The following ABI3BP variants were observed in gnomAD, a reference collection of about 807,000 sequenced individuals.
The protein encoded by ABI3BP is target of Nesh-SH3.
In ABI3BP, 216 loss-of-function variants were observed where a neutral mutation model predicts 268.6. The ratio of observed to expected loss-of-function variants is 0.80; its 90% confidence interval spans 0.72 to 0.90. The LOEUF (loss-of-function observed/expected upper bound fraction) is 0.90, where lower values mean the gene tolerates loss of function less well. ABI3BP is among the 40% of genes least tolerant of loss of function. The pLI is 0.00. For missense variants in ABI3BP, 2,090 were observed against 2,182.4 expected (o/e 0.96, Z 0.84); for synonymous variants, 730 against 730.0 (o/e 1.00, Z 0.00).
intron 2 of ABI3BP, among the ~76,000 whole-genome samples, chr3:100,908,343 G>A (rs188797859): frequency 2.6e-5 from 4 of 152,232 alleles, no homozygotes; most frequent in Non-Finnish European, 4.4e-5. Flanking sequence ...CGGGACTGTT[G>A]ATAACTGAGT....
chr3:100,841,441 C>A (rs77428067), intron 21 of ABI3BP, among the ~76,000 whole-genome samples: 15,279 of 151,850 alleles, frequency 0.1, 930 homozygotes, highest in Admixed American at 0.17. Flanking sequence ...AAGCTCAGGG[C>A]ATATTCCTCA....
rs181980429 is a variant in ABI3BP, at chr3:100,987,059, C to T, written c.79+6247G>A. Among the ~76,000 whole-genome samples the T allele has an allele frequency of 2.8e-3, 418 of 151,982 alleles. 3 individuals are homozygous for T. Among genetic ancestry groups the T allele is most frequent in the African/African-American group, 9.5e-3 (394 of 41,444 alleles). On this transcript the variant is annotated intron_variant, in intron 1 of 67. Coordinates refer to ENST00000471714, the MANE Select transcript of ABI3BP (RefSeq NM_001375547.2). The stretch of plus-strand genomic sequence containing the variant: ...ATCTAGATAATCACATTAGAGTATC[C>T]TATTTCTTAATTTTATGTTTATTCT...
intron 14 of ABI3BP, among the ~76,000 whole-genome samples, chr3:100,861,912 G>A (rs2153162008): frequency 6.6e-6 from 1 of 152,258 alleles, no homozygotes; most frequent in African/African-American, 2.4e-5. Context: ...GCTCTTAAAT[G>A]TTTATTTAAT....
chr3:100,921,133 G>T (rs2060090758), intron 2 of ABI3BP, among the ~76,000 whole-genome samples: 1 of 152,226 alleles, frequency 6.6e-6, no homozygotes, highest in Non-Finnish European at 1.5e-5. Context: ...GAGTGTGAGG[G>T]TTAGCAGCTG....
chr3:100,882,350 A>G (rs1029547836), intron 6 of ABI3BP, among the ~76,000 whole-genome samples: 4 of 151,912 alleles, frequency 2.6e-5, no homozygotes, highest in African/African-American at 9.7e-5. Context: ...GTATGTGGTC[A>G]CATAACATGG....
intron 36 of ABI3BP, 121 bp downstream of exon 36, chr3:100,824,737 G>T: frequency 2.8e-6 from 2 of 722,618 alleles, no homozygotes; most frequent in South Asian, 2.2e-5. Context: ...TACTGATGAT[G>T]CCTTATGCCC....
Position 100,754,652 on chromosome 3 carries a change from T to G in ABI3BP, c.4890A>C (p.Glu1630Asp). Residue 1630 changes from glutamate (E) to aspartate (D), a missense_variant, in exon 64 of 68, where the codon GAA becomes GAC. Glu to Asp is a conservative substitution (Grantham distance 45, BLOSUM62 2). Coordinates refer to ENST00000471714, the MANE Select transcript of ABI3BP (RefSeq NM_001375547.2). ...ATGCCACTGTGTTGCTGACCGGGCC[T>G]TCACCAAGCGGGTTTTTGGGTTTCA... ...FQVKPKNPLG[E>D]GPVSNTVAFS... is the part of the protein sequence containing the mutation. The G allele has an allele frequency of 1.3e-6, 2 of 1,593,518 alleles. No individual in the cohort carries two copies. Among genetic ancestry groups the G allele is most frequent in the Non-Finnish European group, 1.7e-6 (2 of 1,168,954 alleles).
At chr3:100,857,097 T>C (rs1295640217) in intron 14 of ABI3BP, among the ~76,000 whole-genome samples, 2 of 152,210 alleles carry the variant, frequency 1.3e-5, no homozygotes, top group African/African-American at 4.8e-5. Context: ...TCTCAAACTT[T>C]TTTTTACAAG....
intron 63 of ABI3BP, among the ~76,000 whole-genome samples, chr3:100,755,465 C>T (rs558920985): frequency 2.6e-4 from 39 of 152,228 alleles, no homozygotes; most frequent in Admixed American, 4.6e-4. Flanking sequence ...GGTAATGTTG[C>T]CTTACAAAGA....
Position 100,750,630 on chromosome 3 carries a change from C to T in ABI3BP, c.5246-20G>A. On this transcript the variant is annotated intron_variant, in intron 67 of 67. Coordinates refer to ENST00000471714, the MANE Select transcript of ABI3BP (RefSeq NM_001375547.2). ...AATAACCTGAGAGAGAAAATAGTTTCATTTTAATAGCTGCTGTATTATATT... is the reference window on the plus strand; with the variant it reads ...AATAACCTGAGAGAGAAAATAGTTTTATTTTAATAGCTGCTGTATTATATT... 3.8e-6 allele frequency: 6 copies of T among 1,560,526 alleles called. No individual in the cohort carries two copies. Among genetic ancestry groups the T allele is most frequent in the Non-Finnish European group, 5.3e-6 (6 of 1,134,116 alleles).
At chr3:100,920,462 C>T (rs553871337) in intron 2 of ABI3BP, among the ~76,000 whole-genome samples, 5 of 152,122 alleles carry the variant, frequency 3.3e-5, no homozygotes, top group South Asian at 4.2e-4. Flanking sequence ...CTTGCTCTGA[C>T]GCCCAGGCTG....
At chr3:100,930,718 G>A (rs2063330599) in intron 1 of ABI3BP, 1 of 151,780 alleles carries the variant, frequency 6.6e-6, no homozygotes, top group Non-Finnish European at 1.5e-5. Flanking sequence ...CTACCAACCT[G>A]AAAAGGCCCT....
At chr3:100,926,129 G>A (rs2061736872) in intron 2 of ABI3BP, among the ~76,000 whole-genome samples, 173 bp downstream of exon 2, 1 of 152,048 alleles carries the variant, frequency 6.6e-6, no homozygotes, top group Non-Finnish European at 1.5e-5. Flanking sequence ...TTTTTTTAAT[G>A]TAAAGAATTA....
At chr3:100,774,366 G>T (rs2096640708) in intron 61 of ABI3BP, among the ~76,000 whole-genome samples, 1 of 152,098 alleles carries the variant, frequency 6.6e-6, no homozygotes, top group African/African-American at 2.4e-5. Context: ...CATGTGGGGT[G>T]GACCTGAGTC....
chr3:100,819,520 C>T (rs1183667051), intron 40 of ABI3BP, among the ~76,000 whole-genome samples: 2 of 152,134 alleles, frequency 1.3e-5, no homozygotes, highest in African/African-American at 4.8e-5. Context: ...CAAGCTTCCT[C>T]CTCCTGTGAT....
intron 1 of ABI3BP, among the ~76,000 whole-genome samples, chr3:100,990,523 C>T (rs2092743004): frequency 6.7e-6 from 1 of 150,208 alleles, no homozygotes; most frequent in African/African-American, 2.4e-5. Flanking sequence ...CAAATAGGCA[C>T]ACCACATATA....
chr3:100,753,940 TAAG>T (rs770024145), intron 64 of ABI3BP, 92 bp from the exon 65 acceptor site: 24 of 1,298,434 alleles, frequency 1.8e-5, no homozygotes, highest in Non-Finnish European at 2.5e-5. Flanking sequence ...TTACACTTGT[TAAG>T]AAGTCTTATT....
chr3:100,925,001 C>T (rs558257859), intron 2 of ABI3BP, among the ~76,000 whole-genome samples: 45 of 152,206 alleles, frequency 3.0e-4, no homozygotes, highest in African/African-American at 1.0e-3. Context: ...AGAGTGGAGA[C>T]TTCTTTATGG....
chr3:100,923,978 A>G (rs2061057830), intron 2 of ABI3BP, among the ~76,000 whole-genome samples: 1 of 152,186 alleles, frequency 6.6e-6, no homozygotes, highest in South Asian at 2.1e-4. Flanking sequence ...GTGAGTCATT[A>G]GGAAATACAT....
Sources: gnomAD v4.1 joint callset for allele counts (sites outside exome capture counted in the v4.1 genomes callset) on GRCh38, gnomAD v4.1.1 for gene constraint, MANE v1.5 for transcripts, NCBI Gene and HGNC (gene_info 2026-07-23, HGNC 2026-07-21) for gene names.